The following C2CD3 variants were observed in gnomAD, a reference collection of about 807,000 sequenced individuals.
C2CD3 encodes C2 domain-containing protein 3.
C2CD3 carries 148 observed loss-of-function variants against 234.0 expected under a neutral mutation model. That is an observed-to-expected ratio of 0.63 (90% CI 0.55 to 0.72). The LOEUF is 0.72. Among genes scored for constraint, C2CD3 ranks in the 30% least tolerant of loss-of-function variants. The probability of loss-of-function intolerance (pLI) is 0.00; values close to 1 mark genes in which losing one functional copy is unlikely to be tolerated. For synonymous variants in C2CD3, 1,000 were observed against 1,035.4 expected (o/e 0.97, Z 0.66); for missense variants, 2,577 against 2,811.5 (o/e 0.92, Z 1.89).
chr11:74,094,867 G>T (rs948183375), intron 17 of C2CD3, among the ~76,000 whole-genome samples: 1 of 152,100 alleles, frequency 6.6e-6, no homozygotes, highest in Non-Finnish European at 1.5e-5. Context: ...GTTCATGGTG[G>T]CTTTACAGAA....
intron 32 of C2CD3, among the ~76,000 whole-genome samples, chr11:74,027,890 G>A (rs552245142): frequency 6.6e-6 from 1 of 152,324 alleles, no homozygotes; most frequent in Non-Finnish European, 1.5e-5. Flanking sequence ...ATGGCAAATA[G>A]TTGTACGACT....
intron 26 of C2CD3, among the ~76,000 whole-genome samples, chr11:74,051,221 A>C (rs755595563): frequency 2.0e-5 from 3 of 151,610 alleles, no homozygotes; most frequent in Non-Finnish European, 2.9e-5. Context: ...GCTTGAGCTC[A>C]GGAGTTCACA....
At chr11:74,133,777 CAA>C (rs1957760859) in intron 5 of C2CD3, 5 of 552,518 alleles carry the variant, frequency 9.0e-6, no homozygotes, top group Non-Finnish European at 1.6e-5. Flanking sequence ...GGCATTGTAA[CAA>C]TGAATGAAGT....
intron 21 of C2CD3, 82 bp from the exon 22 acceptor site, chr11:74,085,052 C>T: frequency 1.4e-6 from 1 of 719,074 alleles, no homozygotes; most frequent in Non-Finnish European, 2.5e-6. Context: ...ACACAACCCT[C>T]CCCTTATATG....
chr11:74,158,966 A>C (rs1018673165), intron 3 of C2CD3, among the ~76,000 whole-genome samples: 1 of 152,212 alleles, frequency 6.6e-6, no homozygotes, highest in Admixed American at 6.5e-5. Flanking sequence ...AATTAAAAGT[A>C]GAACTACCAT....
intron 29 of C2CD3, among the ~76,000 whole-genome samples, chr11:74,041,836 C>T (rs1035644316): frequency 1.3e-5 from 2 of 152,248 alleles, no homozygotes; most frequent in Non-Finnish European, 2.9e-5. Context: ...GTAACAGAGC[C>T]CCCTGAAGGA....
intron 26 of C2CD3, among the ~76,000 whole-genome samples, chr11:74,052,119 T>A (rs1591340829): frequency 6.6e-6 from 1 of 152,180 alleles, no homozygotes; most frequent in East Asian, 1.9e-4. Context: ...GAGAGACATC[T>A]ACATACACTA....
intron 7 of C2CD3, among the ~76,000 whole-genome samples, chr11:74,127,296 C>T (rs964356627): frequency 6.6e-6 from 1 of 152,204 alleles, no homozygotes; most frequent in African/African-American, 2.4e-5. Context: ...CCACACTGCG[C>T]CCGGCCTGGC....
rs1955611072 is a variant in C2CD3 at position 74,085,750 on chromosome 11, C to T, written c.3778G>A (p.Glu1260Lys). The change falls in exon 21 of 33, where the codon GAG becomes AAG. Residue 1260 changes from glutamate (E) to lysine (K), a missense_variant. Physicochemically the swap from Glu to Lys is moderately conservative, Grantham distance 56. Coordinates refer to ENST00000334126, the MANE Select transcript of C2CD3 (RefSeq NM_001286577.2). ...THPVACSFCP[E>K]FSHHVEFTCN... The stretch of plus-strand genomic sequence containing the variant: ...GTGAACTCAACGTGATGGGAGAACT[C>T]AGGGCAGAAAGAACAGGCCACAGGG... 2 of 1,614,018 alleles carry T rather than the reference C, an allele frequency of 1.2e-6. No homozygotes were observed. Among genetic ancestry groups the T allele is most frequent in the Non-Finnish European group, 1.7e-6 (2 of 1,180,046 alleles).
intron 32 of C2CD3, among the ~76,000 whole-genome samples, chr11:74,014,517 G>GAGGCCCAGCGAGAGTT (rs1414761745): frequency 6.6e-6 from 1 of 152,136 alleles, no homozygotes; most frequent in Non-Finnish European, 1.5e-5. Flanking sequence ...ATGAGAAACT[G>GAGGCCCAGCGAGAGTT]AGGCCCAGCG....
Position 74,057,560 on chromosome 11 carries a change from G to A in C2CD3, c.4952-16C>T, listed in dbSNP as rs373021087. On this transcript the variant is annotated splice_polypyrimidine_tract_variant and intron_variant, in intron 24 of 32. Coordinates refer to ENST00000334126, the MANE Select transcript of C2CD3 (RefSeq NM_001286577.2). Reference sequence around the variant, plus strand: ...AAGGGGCTCCCTGAAATAGAATAAAGTGCAGTGACTGTACTTTAGGGTACA... The same window carrying A: ...AAGGGGCTCCCTGAAATAGAATAAAATGCAGTGACTGTACTTTAGGGTACA... 1.5e-4 allele frequency: 235 copies of A among 1,613,822 alleles called. No homozygotes were observed. The highest frequency in any genetic ancestry group is 1.9e-4 in the Non-Finnish European group (224 of 1,179,888).
chr11:74,043,311 G>C (rs1334760144), intron 28 of C2CD3, among the ~76,000 whole-genome samples: 2 of 152,228 alleles, frequency 1.3e-5, no homozygotes, highest in Admixed American at 1.3e-4. Flanking sequence ...AGTACAGCAT[G>C]TATCAGTCCT....
chr11:74,024,780 G>A (rs11235978), intron 32 of C2CD3, among the ~76,000 whole-genome samples: 14,463 of 152,144 alleles, frequency 0.095, 734 homozygotes, highest in Middle Eastern at 0.13. Flanking sequence ...AGCCAGCCAG[G>A]AGCGTAAGAT....
intron 24 of C2CD3, among the ~76,000 whole-genome samples, chr11:74,073,623 A>C (rs894940481): frequency 2.0e-5 from 3 of 151,428 alleles, no homozygotes; most frequent in East Asian, 1.9e-4. Flanking sequence ...AAACAAAAAA[A>C]CCCCCCTAAC....
Position 74,074,370 on chromosome 11 carries a change from C to T in C2CD3, c.4834G>A (p.Val1612Ile). 6.2e-7 allele frequency: 1 copy of T among 1,614,170 alleles called. No homozygotes were observed. The highest frequency in any genetic ancestry group is 8.5e-7 in the Non-Finnish European group (1 of 1,180,022). ...CHQKSPASTQ[V>I]PCSSTTAEVR... Reference sequence around the variant, plus strand: ...TCAGCTGTGGTGCTGCTGCAGGGGACCTGGGTGGAGGCAGGAGACTTCTGG... The same window carrying T: ...TCAGCTGTGGTGCTGCTGCAGGGGATCTGGGTGGAGGCAGGAGACTTCTGG... Residue 1612 changes from valine (V) to isoleucine (I), a missense_variant, in exon 24 of 33, where the codon GTC (valine) becomes ATC (isoleucine). Val to Ile is a conservative substitution (Grantham distance 29). Transcript: ENST00000334126.
intron 2 of C2CD3, chr11:74,168,120 T>G (rs762697064): frequency 1.6e-5 from 8 of 488,030 alleles, no homozygotes; most frequent in East Asian, 1.0e-4. Flanking sequence ...AATACCTATC[T>G]TTCAGGGTTA....
At chr11:74,129,324 T>C (rs539008613) in intron 7 of C2CD3, 121 of 160,532 alleles carry the variant, frequency 7.5e-4, no homozygotes, top group Non-Finnish European at 1.3e-3. Context: ...TCAGATGGGG[T>C]GGCTGCCGGG....
At position 74,111,042 on chromosome 11, in the gene C2CD3, T is replaced by C. The variant is rs1371374015; in HGVS notation, c.1844-1890A>G. ...CAATCACTGTGGCCAACAACAACAA[T>C]AATGTTTAAGAAGCAATACAGATTA... is the stretch of plus-strand genomic sequence containing the variant. On this transcript the variant is annotated intron_variant, in intron 11 of 32. Coordinates refer to ENST00000334126, the MANE Select transcript of C2CD3 (RefSeq NM_001286577.2). 5.3e-5 allele frequency among the ~76,000 whole-genome samples: 8 copies of C among 152,152 alleles called. No homozygotes were observed. The South Asian group carries it at 1.7e-3, about 32-fold the overall frequency.
At chr11:74,031,039 G>A (rs549701461) in intron 31 of C2CD3, among the ~76,000 whole-genome samples, 11 of 151,828 alleles carry the variant, frequency 7.2e-5, no homozygotes, top group African/African-American at 2.7e-4. Context: ...TAGCCTCCTT[G>A]TTTCTAGTCT....
Sources: gnomAD v4.1 joint callset for allele counts (sites outside exome capture counted in the v4.1 genomes callset) on GRCh38, gnomAD v4.1.1 for gene constraint, MANE v1.5 for transcripts, NCBI Gene and HGNC (gene_info 2026-07-23, HGNC 2026-07-21) for gene names.